Variants in SAMD4B observed in about 807,000 individuals in gnomAD.
SAMD4B encodes the protein protein Smaug homolog 2.
In SAMD4B, 5 loss-of-function variants were observed where a neutral mutation model predicts 74.5. The observed-to-expected ratio is 0.07, with a 90% CI of 0.04 to 0.14. SAMD4B has a LOEUF of 0.14. Among genes scored for constraint, SAMD4B ranks in the 10% least tolerant of loss-of-function variants. SAMD4B has a pLI of 1.00. For synonymous variants in SAMD4B, 373 were observed against 374.9 expected, an observed-to-expected ratio of 1.00 and a Z score of 0.06; for missense variants, 608 against 921.8, an observed-to-expected ratio of 0.66 and a Z score of 4.41.
intron 7 of SAMD4B, 122 bp from the exon 8 acceptor site, chr19:39,377,361 CTA>C (rs766299142): frequency 2.5e-5 from 18 of 719,960 alleles, no homozygotes; most frequent in Non-Finnish European, 4.1e-5. Flanking sequence ...CATGCCTTCT[CTA>C]TGTGCTGGAA....
Position 39,383,828 on chromosome 19 carries a change from C to A in SAMD4B, c.*301C>A. The A allele has an allele frequency of 9.9e-7, 1 of 1,014,164 alleles. No individual in the cohort carries two copies. The highest frequency in any genetic ancestry group is 1.4e-6 in the Non-Finnish European group (1 of 693,786). The allele number at this position is 1,014,164 out of a possible 1,614,324, so 62.8% of individuals were successfully genotyped here. A position where few individuals can be genotyped will look rare whatever the true frequency, so the allele number is the denominator to read the frequency against. The stretch of plus-strand genomic sequence containing the variant: ...TTCCTCATCCCCACCTGGTCCCATC[C>A]CACCCCTGCCTCCTCCAGACCGCTG... On this transcript the variant is annotated 3_prime_UTR_variant, in exon 14 of 14. Transcript: ENST00000610417. The surrounding 1 kb of genome is among the most constrained non-coding windows in gnomAD (Gnocchi z 4.1).
At chr19:39,368,109 G>C (rs1362478617) in intron 3 of SAMD4B, among the ~76,000 whole-genome samples, 1 of 152,028 alleles carries the variant, frequency 6.6e-6, no homozygotes, top group Non-Finnish European at 1.5e-5. Flanking sequence ...AGCTACTCGG[G>C]AGGCTGAGGC....
At chr19:39,388,191 C>T, downstream of SAMD4B, 1 of 757,974 alleles carries the variant, frequency 1.3e-6, no homozygotes, top group Non-Finnish European at 2.2e-6. Flanking sequence ...AAGTCCAGCT[C>T]ATGTGCATGA....
intron 1 of SAMD4B, among the ~76,000 whole-genome samples, chr19:39,343,076 C>T (rs945778908): frequency 2.0e-5 from 3 of 151,906 alleles, no homozygotes; most frequent in African/African-American, 7.3e-5. Context: ...GGCCACTCCT[C>T]GTCCATTCCA....
chr19:39,373,032 G>A (rs1324270699), intron 4 of SAMD4B, among the ~76,000 whole-genome samples: 3 of 152,164 alleles, frequency 2.0e-5, no homozygotes, highest in Admixed American at 1.3e-4. Flanking sequence ...CATTAGTATT[G>A]TCACAGCTGA....
At chr19:39,387,127 C>A (rs570629942), downstream of SAMD4B, 133 of 447,728 alleles carry the variant, frequency 3.0e-4, 1 homozygote, top group South Asian at 2.5e-3. Flanking sequence ...AGTACTCTTA[C>A]ACAAACGTAC....
At position 39,375,033 on chromosome 19, in the gene SAMD4B, G is replaced by A. The variant is rs1488358880; in HGVS notation, c.668-617G>A. 6.6e-5 allele frequency among the ~76,000 whole-genome samples: 10 copies of A among 152,078 alleles called. No individual in the cohort carries two copies. Among genetic ancestry groups the A allele is most frequent in the Admixed American group, 6.6e-4 (10 of 15,262 alleles). On this transcript the variant is annotated intron_variant, in intron 4 of 13. Coordinates refer to ENST00000610417, the MANE Select transcript of SAMD4B (RefSeq NM_001384574.2). This position sits in a 1 kb window ranked among gnomAD's most constrained non-coding sequence, Gnocchi z 4.1. ...GACACTTGAGATGAGACTTGAGGGA[G>A]CCAACCGCTGAGATCAAGAAGGTAG... is the stretch of plus-strand genomic sequence containing the variant.
At chr19:39,352,988 A>G (rs1476243151) in intron 1 of SAMD4B, among the ~76,000 whole-genome samples, 1 of 152,154 alleles carries the variant, frequency 6.6e-6, no homozygotes, top group Non-Finnish European at 1.5e-5. Context: ...CTCCCGAGGG[A>G]TGTTCATCCA....
intron 3 of SAMD4B, among the ~76,000 whole-genome samples, chr19:39,358,028 T>C (rs1268794150): frequency 2.6e-5 from 4 of 152,168 alleles, no homozygotes; most frequent in South Asian, 4.1e-4. Flanking sequence ...CCCAGCACTT[T>C]AGGAGGCTGA....
chr19:39,343,819 C>T (rs902760957), intron 1 of SAMD4B, among the ~76,000 whole-genome samples: 1 of 152,052 alleles, frequency 6.6e-6, no homozygotes, highest in African/African-American at 2.4e-5. Flanking sequence ...TGAAAACTTT[C>T]CTCATGGTTT....
intron 3 of SAMD4B, among the ~76,000 whole-genome samples, chr19:39,359,149 A>G (rs562638): frequency 0.28 from 42,952 of 152,078 alleles, 11,743 homozygotes; most frequent in African/African-American, 0.72. Context: ...TCTGTTTGTG[A>G]TATGACTCTG....
chr19:39,357,097 T>G lies in SAMD4B; in HGVS notation c.196+8T>G, dbSNP rs755080266. 1.3e-6 allele frequency: 2 copies of G among 1,598,376 alleles called. No homozygotes were observed. Among genetic ancestry groups the G allele is most frequent in the Admixed American group, 1.7e-5 (1 of 59,396 alleles). ...CGGAGGCCAACAGTGCTGGTGAGTT[T>G]CCACCCTTAGAGATGGGAGCACAGC... On this transcript the variant is annotated splice_region_variant and intron_variant, in intron 3 of 13. Coordinates refer to ENST00000610417, the MANE Select transcript of SAMD4B (RefSeq NM_001384574.2).
downstream of SAMD4B, chr19:39,386,456 C>G (rs375494638): frequency 7.4e-6 from 12 of 1,614,146 alleles, no homozygotes; most frequent in Non-Finnish European, 1.0e-5. The surrounding 1 kb of genome is among the most constrained non-coding windows in gnomAD (Gnocchi z 6.1). Context: ...CCCAGGGCTC[C>G]CAGAGTCTGG....
downstream of SAMD4B, chr19:39,386,838 C>T (rs202019823): frequency 1.3e-5 from 18 of 1,383,570 alleles, no homozygotes; most frequent in Non-Finnish European, 4.1e-6. This position sits in a 1 kb window ranked among gnomAD's most constrained non-coding sequence, Gnocchi z 6.1. Flanking sequence ...GTGGAAGATG[C>T]AGTTAAAGAC....
rs1386874583 is a variant in SAMD4B, at chr19:39,345,885, C to T, written c.-267+3309C>T. Reference sequence around the variant, plus strand: ...CTCTCACCTCCCTTTTTTTTCTCCACACAGCACCCTTTGCCTTTACTCCTG... The same window carrying T: ...CTCTCACCTCCCTTTTTTTTCTCCATACAGCACCCTTTGCCTTTACTCCTG... On this transcript the variant is annotated intron_variant, in intron 1 of 13. Coordinates refer to ENST00000610417, the MANE Select transcript of SAMD4B (RefSeq NM_001384574.2). Among the ~76,000 whole-genome samples the T allele has an allele frequency of 2.6e-5, 4 of 152,008 alleles. No homozygotes were observed. In the East Asian group the frequency reaches 7.7e-4, roughly 29 times the overall value.
intron 3 of SAMD4B, among the ~76,000 whole-genome samples, chr19:39,359,390 TCCAGACTTCACGTTCTCA>T (rs1323745061): frequency 6.6e-6 from 1 of 152,232 alleles, no homozygotes; most frequent in Non-Finnish European, 1.5e-5. Context: ...AGGTTTTTCT[TCCAGACTTCACGTTCTCA>T]TTTCCTTATG....
chr19:39,352,848 T>G (rs1258525417), intron 1 of SAMD4B, among the ~76,000 whole-genome samples: 2 of 148,996 alleles, frequency 1.3e-5, no homozygotes, highest in African/African-American at 2.5e-5. Context: ...TTGGTCTGTT[T>G]GTGGATTTGG....
At chr19:39,367,030 C>T (rs1174161263) in intron 3 of SAMD4B, among the ~76,000 whole-genome samples, 2 of 152,216 alleles carry the variant, frequency 1.3e-5, no homozygotes, top group East Asian at 3.8e-4. Context: ...TTACTCTATG[C>T]TGTGGCCTCA....
intron 10 of SAMD4B, 147 bp from the exon 11 acceptor site, chr19:39,380,440 G>C (rs2077894449): frequency 3.4e-5 from 28 of 818,144 alleles, no homozygotes; most frequent in Non-Finnish European, 5.5e-5. Flanking sequence ...CCTTCCAGGG[G>C]GTACCCTTGG....
Sources: allele counts gnomAD v4.1 joint callset (sites outside exome capture counted in the v4.1 genomes callset), GRCh38; gene constraint gnomAD v4.1.1; non-coding constraint Gnocchi (gnomAD v3.1); transcripts MANE v1.5; gene names NCBI Gene and HGNC (gene_info 2026-07-23, HGNC 2026-07-21).